The following CADPS2 variants were observed in gnomAD, a reference collection of about 807,000 sequenced individuals.
CADPS2 encodes calcium dependent secretion activator 2.
In CADPS2, 93 loss-of-function variants were observed where a neutral mutation model predicts 172.5. The observed-to-expected ratio is 0.54, with a 90% CI of 0.46 to 0.64. CADPS2 has a LOEUF of 0.64. CADPS2 is among the 30% of genes least tolerant of loss of function. The pLI, the probability that CADPS2 is intolerant of heterozygous loss-of-function variation, is 0.00. For missense variants in CADPS2, 1,420 were observed against 1,565.9 expected, an observed-to-expected ratio of 0.91 and a Z score of 1.57; for synonymous variants, 546 against 555.2, an observed-to-expected ratio of 0.98 and a Z score of 0.23.
chr7:122,496,932 T>C (rs563211590), intron 9 of CADPS2, among the ~76,000 whole-genome samples: 4 of 152,298 alleles, frequency 2.6e-5, no homozygotes, highest in African/African-American at 2.4e-5. Context: ...CAAGATTATC[T>C]CTCTGTGGAT....
chr7:122,702,454 G>C, intron 2 of CADPS2: 2 of 1,613,780 alleles, frequency 1.2e-6, no homozygotes, highest in Non-Finnish European at 1.7e-6. Context: ...CCAGCCATGA[G>C]TCTGCCTGTT....
intron 11 of CADPS2, among the ~76,000 whole-genome samples, chr7:122,487,011 CTTTT>C (rs535575706): frequency 4.5e-4 from 56 of 123,236 alleles, no homozygotes; most frequent in African/African-American, 1.1e-3. Flanking sequence ...ATAAACATAA[CTTTT>C]TTTTTTTTTT....
Position 122,822,293 on chromosome 7 carries a change from C to T in CADPS2, c.339+63706G>A, listed in dbSNP as rs578103093. ...TTTAATTTCTCAATTCATCCAAAAC[C>T]GTATCCAGGCCATCACCAATCATTC... On this transcript the variant is annotated intron_variant, in intron 1 of 29. Coordinates refer to ENST00000449022, the MANE Select transcript of CADPS2 (RefSeq NM_017954.11). Among the ~76,000 whole-genome samples, 431 of 152,126 alleles carry T rather than the reference C, an allele frequency of 2.8e-3. 3 individuals are homozygous for T. Among genetic ancestry groups the T allele is most frequent in the African/African-American group, 1.0e-2 (414 of 41,478 alleles).
intron 3 of CADPS2, among the ~76,000 whole-genome samples, chr7:122,630,099 GTTAATTTTCTC>G (rs1431325875): frequency 1.3e-5 from 2 of 152,104 alleles, no homozygotes; most frequent in Non-Finnish European, 2.9e-5. Flanking sequence ...GATGTTAAGT[GTTAATTTTCTC>G]TTGACTTTAG....
chr7:122,834,466 G>A (rs1022578033), intron 1 of CADPS2, among the ~76,000 whole-genome samples: 7 of 152,134 alleles, frequency 4.6e-5, no homozygotes, highest in East Asian at 1.9e-4. Context: ...CCCACTGAGC[G>A]AGATCCGAAG....
chr7:122,719,702 C>A (rs2090135752), intron 2 of CADPS2, among the ~76,000 whole-genome samples: 1 of 151,960 alleles, frequency 6.6e-6, no homozygotes, highest in South Asian at 2.1e-4. Flanking sequence ...CAATTAAATT[C>A]TATGTGATAT....
intron 3 of CADPS2, among the ~76,000 whole-genome samples, chr7:122,633,782 G>T (rs2076798818): frequency 6.6e-6 from 1 of 152,136 alleles, no homozygotes; most frequent in South Asian, 2.1e-4. Flanking sequence ...AGTTCTCAAG[G>T]GGAATAGTTC....
intron 14 of CADPS2, among the ~76,000 whole-genome samples, chr7:122,457,965 C>CA (rs747226972): frequency 6.6e-6 from 1 of 152,184 alleles, no homozygotes; most frequent in Non-Finnish European, 1.5e-5. Flanking sequence ...ACCCCATCTC[C>CA]AACTCATCAG....
chr7:122,553,284 T>C (rs1037162002), intron 8 of CADPS2, among the ~76,000 whole-genome samples: 3 of 152,162 alleles, frequency 2.0e-5, no homozygotes, highest in African/African-American at 7.2e-5. Context: ...TGGAAGACAG[T>C]AGTGCTCAAT....
rs948868698 is a variant in CADPS2 at position 122,804,032 on chromosome 7, G to C, written c.340-66964C>G. Among the ~76,000 whole-genome samples, 57 of 148,456 alleles carry C rather than the reference G, an allele frequency of 3.8e-4. 2 individuals are homozygous for C. Among genetic ancestry groups the C allele is most frequent in the Non-Finnish European group, 1.5e-5 (1 of 67,552 alleles). ...AGCACACTCTGAAGCTTTTGCTTAAGGGACAGCTCTCCTTTGGCCAGTTCA... is the reference window on the plus strand; with the variant it reads ...AGCACACTCTGAAGCTTTTGCTTAACGGACAGCTCTCCTTTGGCCAGTTCA... On this transcript the variant is annotated intron_variant, in intron 1 of 29. Coordinates refer to ENST00000449022, the MANE Select transcript of CADPS2 (RefSeq NM_017954.11).
chr7:122,531,710 A>G (rs1466585843), intron 8 of CADPS2, among the ~76,000 whole-genome samples: 1 of 152,182 alleles, frequency 6.6e-6, no homozygotes, highest in Non-Finnish European at 1.5e-5. Flanking sequence ...TGTAATAAGT[A>G]TAAAGATACT....
chr7:122,569,739 C>T (rs1196869812), intron 7 of CADPS2, among the ~76,000 whole-genome samples: 1 of 147,962 alleles, frequency 6.8e-6, no homozygotes, highest in Non-Finnish European at 1.5e-5. Flanking sequence ...ATACCTACAA[C>T]TATCTGATCT....
chr7:122,776,353 G>C (rs965058427), intron 1 of CADPS2, among the ~76,000 whole-genome samples: 2 of 152,118 alleles, frequency 1.3e-5, no homozygotes, highest in African/African-American at 4.8e-5. Context: ...GGGCTCCACA[G>C]CCATGAGGAA....
At chr7:122,474,856 C>T (rs1019035252) in intron 12 of CADPS2, among the ~76,000 whole-genome samples, 2 of 152,014 alleles carry the variant, frequency 1.3e-5, no homozygotes, top group Admixed American at 6.6e-5. Flanking sequence ...TAGAAAAGAA[C>T]GAAGATCTAT....
At chr7:122,790,952 A>C (rs1189478786) in intron 1 of CADPS2, among the ~76,000 whole-genome samples, 1 of 152,162 alleles carries the variant, frequency 6.6e-6, no homozygotes, top group Non-Finnish European at 1.5e-5. Flanking sequence ...AAATGGTAGC[A>C]CCCAAAATAC....
intron 1 of CADPS2, among the ~76,000 whole-genome samples, chr7:122,843,170 A>G (rs1811037816): frequency 6.6e-6 from 1 of 152,216 alleles, no homozygotes; most frequent in South Asian, 2.1e-4. Flanking sequence ...TGAATACCAG[A>G]TAACTCTCAT....
At chr7:122,474,784 A>G (rs930573098) in intron 12 of CADPS2, among the ~76,000 whole-genome samples, 1 of 152,168 alleles carries the variant, frequency 6.6e-6, no homozygotes, top group Non-Finnish European at 1.5e-5. Context: ...CAGAAGAATA[A>G]TCTTATTTTC....
At chr7:122,575,179 A>T (rs962536659) in intron 7 of CADPS2, among the ~76,000 whole-genome samples, 1 of 105,686 alleles carries the variant, frequency 9.5e-6, no homozygotes, top group Non-Finnish European at 1.8e-5. Context: ...TAATAAAAGT[A>T]AAAAAAAAAG....
intron 7 of CADPS2, among the ~76,000 whole-genome samples, chr7:122,575,134 T>C (rs544242067): frequency 4.5e-4 from 68 of 151,866 alleles, no homozygotes; most frequent in African/African-American, 1.6e-3. Context: ...AAGAACATTT[T>C]ATAAGACTAA....
Sources: gnomAD v4.1 joint callset for allele counts (sites outside exome capture counted in the v4.1 genomes callset) on GRCh38, gnomAD v4.1.1 for gene constraint, MANE v1.5 for transcripts, NCBI Gene and HGNC (gene_info 2026-07-23, HGNC 2026-07-21) for gene names.